SKIC3: variants seen among roughly 807,000 people sequenced by gnomAD.
SKIC3 encodes the protein superkiller complex protein 3.
the SKIC3 span, chr5:95,528,950 C>T: frequency 4.0e-6 from 6 of 1,484,698 alleles, no homozygotes; most frequent in Non-Finnish European, 5.6e-6. Context: ...AAGATAAAAA[C>T]AAATAGGGTT....
the SKIC3 span, among the ~76,000 whole-genome samples, chr5:95,536,355 CCTTT>C: frequency 6.6e-6 from 1 of 152,202 alleles, no homozygotes; most frequent in Admixed American, 6.5e-5. Flanking sequence ...TTCCAAAAAT[CCTTT>C]CTGTGATATT....
At chr5:95,533,032 G>A in the SKIC3 span, among the ~76,000 whole-genome samples, 2 of 152,104 alleles carry the variant, frequency 1.3e-5, no homozygotes, top group Non-Finnish European at 2.9e-5. Flanking sequence ...TTTTCTAATA[G>A]TTTTAAAGCA....
the SKIC3 span, among the ~76,000 whole-genome samples, chr5:95,487,821 A>G: frequency 6.6e-6 from 1 of 152,238 alleles, no homozygotes; most frequent in African/African-American, 2.4e-5. Flanking sequence ...ATAATTCTAC[A>G]GCAACAGATC....
chr5:95,522,074 T>G, the SKIC3 span: 1 of 1,613,484 alleles, frequency 6.2e-7, no homozygotes, highest in African/African-American at 1.3e-5. Flanking sequence ...AGGCACATAA[T>G]CTTCTTTCTT....
At chr5:95,541,409 A>C in the SKIC3 span, 12 of 1,605,970 alleles carry the variant, frequency 7.5e-6, no homozygotes, top group Admixed American at 8.3e-5. Flanking sequence ...ACACACACAC[A>C]AAAGGATTTT....
At chr5:95,495,116 G>A in the SKIC3 span, 18 of 1,201,786 alleles carry the variant, frequency 1.5e-5, no homozygotes, top group East Asian at 4.2e-4. Context: ...TCACTGGAAA[G>A]GTTCAGTTTT....
At chr5:95,482,735 T>C in the SKIC3 span, 30 of 1,226,624 alleles carry the variant, frequency 2.4e-5, no homozygotes, top group South Asian at 2.0e-4. Context: ...TGAAGGTTTA[T>C]ACCTTTTCTT....
At chr5:95,523,676 T>G in the SKIC3 span, 16 of 1,613,574 alleles carry the variant, frequency 9.9e-6, no homozygotes, top group Non-Finnish European at 1.4e-5. Context: ...GCTCCACACT[T>G]AGGTCAACTG....
chr5:95,482,286 A>C, the SKIC3 span, among the ~76,000 whole-genome samples: 1 of 152,216 alleles, frequency 6.6e-6, no homozygotes, highest in African/African-American at 2.4e-5. Context: ...TCATCATTGT[A>C]GCAGATCCAA....
chr5:95,506,602 C>T, the SKIC3 span, among the ~76,000 whole-genome samples: 2 of 152,092 alleles, frequency 1.3e-5, no homozygotes, highest in Admixed American at 1.3e-4. Context: ...AATGTCCCTC[C>T]CCGGTTTAAT....
the SKIC3 span, among the ~76,000 whole-genome samples, chr5:95,546,424 C>T: frequency 6.6e-6 from 1 of 151,760 alleles, no homozygotes; most frequent in Non-Finnish European, 1.5e-5. Flanking sequence ...ATAACCAAGT[C>T]TTCTCCCAGT....
the SKIC3 span, among the ~76,000 whole-genome samples, chr5:95,544,876 T>C: frequency 2.6e-5 from 4 of 152,174 alleles, no homozygotes; most frequent in Admixed American, 6.5e-5. Flanking sequence ...GGAGAAGGCT[T>C]CCCTGAAGGG....
the SKIC3 span, among the ~76,000 whole-genome samples, chr5:95,479,208 C>T: frequency 2.2e-4 from 34 of 152,238 alleles, no homozygotes; most frequent in African/African-American, 8.2e-4. Context: ...CACACACACA[C>T]AACAGAACAA....
chr5:95,498,569 T>C, the SKIC3 span: 2 of 1,613,962 alleles, frequency 1.2e-6, no homozygotes, highest in South Asian at 1.1e-5. Flanking sequence ...AGGCTTTCTG[T>C]GGTTGGTTCC....
At chr5:95,499,390 T>G in the SKIC3 span, among the ~76,000 whole-genome samples, 1 of 152,130 alleles carries the variant, frequency 6.6e-6, no homozygotes, top group African/African-American at 2.4e-5. Flanking sequence ...CCCCTTCACT[T>G]CCTGTCATGA....
chr5:95,529,215 A>T, the SKIC3 span: 2 of 869,596 alleles, frequency 2.3e-6, no homozygotes, highest in Non-Finnish European at 3.8e-6. Flanking sequence ...CTCATATCTC[A>T]TCAGTCACAA....
chr5:95,491,177 A>G, the SKIC3 span: 1 of 1,255,846 alleles, frequency 8.0e-7, no homozygotes, highest in Non-Finnish European at 1.1e-6. Flanking sequence ...AGGAAAATTA[A>G]ATTGCACTTG....
At chr5:95,477,908 AG>A in the SKIC3 span, among the ~76,000 whole-genome samples, 1 of 152,228 alleles carries the variant, frequency 6.6e-6, no homozygotes, top group Non-Finnish European at 1.5e-5. Context: ...ATAAGTTACT[AG>A]AAATCCCTCT....
chr5:95,526,394 G>C, the SKIC3 span, among the ~76,000 whole-genome samples: 4 of 151,626 alleles, frequency 2.6e-5, no homozygotes, highest in East Asian at 7.7e-4. Context: ...ATTAGTAGTT[G>C]GGTTCAGAGG....
Sources: allele counts gnomAD v4.1 joint callset (sites outside exome capture counted in the v4.1 genomes callset), GRCh38; gene constraint gnomAD v4.1.1; transcripts MANE v1.5; gene names NCBI Gene and HGNC (gene_info 2026-07-23, HGNC 2026-07-21).